XPO4: variants seen among roughly 807,000 people sequenced by gnomAD.
The protein encoded by XPO4 is exportin-4.
In XPO4, 39 loss-of-function variants were observed where a neutral mutation model predicts 143.0. The ratio of observed to expected loss-of-function variants is 0.27; its 90% confidence interval spans 0.21 to 0.36. The LOEUF is 0.36. XPO4 is among the 10% of genes least tolerant of loss of function. The pLI, the probability that XPO4 is intolerant of heterozygous loss-of-function variation, is 1.00. For synonymous variants in XPO4, 439 were observed against 474.0 expected (o/e 0.93, Z 0.96); for missense variants, 907 against 1,348.0 (o/e 0.67, Z 5.12).
At chr13:20,890,520 C>T (rs1566629293) in intron 1 of XPO4, among the ~76,000 whole-genome samples, 1 of 151,782 alleles carries the variant, frequency 6.6e-6, no homozygotes, top group Non-Finnish European at 1.5e-5. Flanking sequence ...AGAGCATGGC[C>T]AGGCAAGGTG....
At position 20,780,961 on chromosome 13, in the gene XPO4, G is replaced by A. The variant is rs1344529933; in HGVS notation, c.*2761C>T. The A allele has an allele frequency of 6.6e-6, 1 of 152,006 alleles. No homozygotes were observed. The highest frequency in any genetic ancestry group is 1.5e-5 in the Non-Finnish European group (1 of 68,010). The allele number at this position is 152,006 out of a possible 1,614,324, so 9.4% of individuals were successfully genotyped here. ...CAAAGTCTTTAGTGATTGTGCCTTG[G>A]GAAATAAATGGGTCAAGGAAAATAA... On this transcript the variant is annotated 3_prime_UTR_variant, in exon 23 of 23. Transcript: ENST00000255305.
Position 20,896,902 on chromosome 13 carries a change from A to G in XPO4, c.69+5768T>C, listed in dbSNP as rs552609415. Among the ~76,000 whole-genome samples the G allele has an allele frequency of 3.3e-5, 5 of 152,308 alleles. No homozygotes were observed. In the South Asian group the frequency reaches 1.0e-3, roughly 32 times the overall value. ...TTGTTTTAATCATAAAATGCTGTTA[A>G]ATTTTAACAACTGCCTTTTAGGCAT... On this transcript the variant is annotated intron_variant, in intron 1 of 22. Transcript: ENST00000255305.
In XPO4 at chr13:20,821,695, G is replaced by A. The variant is rs746837188; in HGVS notation, c.1173+9C>T. ...AACTGACACAATTTACTTTAGAATAGTCACTCACCACTTCTTCCAATGCAG... is the reference window on the plus strand; with the variant it reads ...AACTGACACAATTTACTTTAGAATAATCACTCACCACTTCTTCCAATGCAG... On this transcript the variant is annotated intron_variant, in intron 9 of 22. Transcript: ENST00000255305. The A allele has an allele frequency of 1.2e-6, 2 of 1,608,304 alleles. No homozygotes were observed. The highest frequency in any genetic ancestry group is 1.7e-6 in the Non-Finnish European group (2 of 1,177,090).
Position 20,777,470 on chromosome 13 carries a change from GCTTAGTTAGA to G in XPO4, c.*6242_*6251del, listed in dbSNP as rs2059100958. On this transcript the variant is annotated 3_prime_UTR_variant, in exon 23 of 23. Transcript: ENST00000255305. ...TGGAAATTAATGTAAGCCCTAAGCA[GCTTAGTTAGA>G]CATTGAATCTAGGTCTGCCTCTACC... 1.3e-5 allele frequency: 2 copies of G among 152,304 alleles called. No individual in the cohort carries two copies. The highest frequency in any genetic ancestry group is 1.3e-4 in the Admixed American group (2 of 15,296). 9.4% of individuals were successfully genotyped at this position (152,304 alleles called of 1,614,324 possible).
intron 1 of XPO4, among the ~76,000 whole-genome samples, chr13:20,872,431 C>T (rs1229270878): frequency 3.9e-5 from 6 of 152,190 alleles, no homozygotes; most frequent in African/African-American, 1.2e-4. Flanking sequence ...TATTATTTCT[C>T]TGACACCAGT....
chr13:20,876,863 G>A (rs2060358387), intron 1 of XPO4, among the ~76,000 whole-genome samples: 1 of 152,156 alleles, frequency 6.6e-6, no homozygotes, highest in East Asian at 1.9e-4. Context: ...AAGAAAGAAA[G>A]AACAAAACTT....
chr13:20,867,133 C>T (rs1435179932), intron 2 of XPO4, among the ~76,000 whole-genome samples: 3 of 152,142 alleles, frequency 2.0e-5, no homozygotes, highest in Non-Finnish European at 4.4e-5. Context: ...GTTAAATATC[C>T]TCCACAGGTA....
At chr13:20,865,498 G>A in intron 2 of XPO4, 1 of 985,292 alleles carries the variant, frequency 1.0e-6, no homozygotes, top group Non-Finnish European at 1.2e-6. Context: ...ACTGTCCAGA[G>A]AATAAATTAT....
At position 20,780,391 on chromosome 13, in the gene XPO4, C is replaced by G. The variant is rs1172299135; in HGVS notation, c.*3331G>C. The G allele has an allele frequency of 6.6e-6, 1 of 152,046 alleles. No homozygotes were observed. The highest frequency in any genetic ancestry group is 1.5e-5 in the Non-Finnish European group (1 of 68,004). The allele number at this position is 152,046 out of a possible 1,614,324, so 9.4% of individuals were successfully genotyped here. A position where few individuals can be genotyped will look rare whatever the true frequency, so the allele number is the denominator to read the frequency against. ...AACTGACAGCTAGTTCCCTTCAATA[C>G]TTTAGGGGTTCATAGAAGTATTAAC... On this transcript the variant is annotated 3_prime_UTR_variant, in exon 23 of 23. Coordinates refer to ENST00000255305, the MANE Select transcript of XPO4 (RefSeq NM_022459.5).
At chr13:20,822,975 T>C (rs184784670) in intron 7 of XPO4, among the ~76,000 whole-genome samples, 113 of 152,264 alleles carry the variant, frequency 7.4e-4, no homozygotes, top group African/African-American at 2.7e-3. Context: ...TGGTAGAGTG[T>C]TTTGTATGAA....
intron 6 of XPO4, among the ~76,000 whole-genome samples, chr13:20,837,556 C>T (rs1313002402): frequency 6.6e-6 from 1 of 152,080 alleles, no homozygotes; most frequent in Non-Finnish European, 1.5e-5. Context: ...CAGGTGTGTG[C>T]CACCATGCCT....
At chr13:20,892,103 T>G (rs2060524070) in intron 1 of XPO4, among the ~76,000 whole-genome samples, 1 of 151,394 alleles carries the variant, frequency 6.6e-6, no homozygotes, top group Non-Finnish European at 1.5e-5. Context: ...CTCGGCTCAC[T>G]CCAAGTGCAG....
intron 17 of XPO4, among the ~76,000 whole-genome samples, chr13:20,796,540 G>A (rs2059360707): frequency 6.6e-6 from 1 of 151,488 alleles, no homozygotes; most frequent in South Asian, 2.1e-4. Context: ...TTCTGTATAT[G>A]TATCCTGTTT....
At chr13:20,895,352 C>T (rs1314647709) in intron 1 of XPO4, among the ~76,000 whole-genome samples, 3 of 152,210 alleles carry the variant, frequency 2.0e-5, no homozygotes, top group East Asian at 1.9e-4. Context: ...TTAGTATAGG[C>T]CAGGCACAGT....
rs987342181 is a variant in XPO4 at position 20,777,450 on chromosome 13, A to C, written c.*6272T>G. On this transcript the variant is annotated 3_prime_UTR_variant, in exon 23 of 23. Transcript: ENST00000255305. ...TGATATGGATAACAGACCTGTGGAA[A>C]TTAATGTAAGCCCTAAGCAGCTTAG... The C allele has an allele frequency of 6.6e-6, 1 of 152,210 alleles. No individual in the cohort carries two copies. The highest frequency in any genetic ancestry group is 1.5e-5 in the Non-Finnish European group (1 of 68,034). 9.4% of individuals were successfully genotyped at this position (152,210 alleles called of 1,614,324 possible).
chr13:20,783,793 G>T lies in XPO4; in HGVS notation c.3385C>A (p.Gln1129Lys). ...SSTPPTLDRK[Q>K]KMAFLKSLEE... ...AAACTCTTTAAGAAGGCCATCTTCTGCTTCCGATCCAGCGTAGGAGGAGTG... is the reference window on the plus strand; with the variant it reads ...AAACTCTTTAAGAAGGCCATCTTCTTCTTCCGATCCAGCGTAGGAGGAGTG... Residue 1129 changes from glutamine to lysine, a missense_variant, in exon 23 of 23, where the codon CAG becomes AAG. By Grantham distance (53) the Gln-to-Lys change is moderately conservative (BLOSUM62 1). Coordinates refer to ENST00000255305, the MANE Select transcript of XPO4 (RefSeq NM_022459.5). 1 of 1,614,226 alleles carries T rather than the reference G, an allele frequency of 6.2e-7. No homozygotes were observed. The highest frequency in any genetic ancestry group is 8.5e-7 in the Non-Finnish European group (1 of 1,180,040).
In XPO4 at chr13:20,803,233, A is replaced by G. The variant is rs75194947; in HGVS notation, c.1818-2243T>C. 2.8e-4 allele frequency among the ~76,000 whole-genome samples: 42 copies of G among 152,298 alleles called. No individual in the cohort carries two copies. In the East Asian group the frequency reaches 7.9e-3, roughly 29 times the overall value. ...GTTGATGTGATTAGGTCCTCTTGTT[A>G]TTTAATGCAAAGGACTGAAACCTGC... On this transcript the variant is annotated intron_variant, in intron 13 of 22. Coordinates refer to ENST00000255305, the MANE Select transcript of XPO4 (RefSeq NM_022459.5). The surrounding 1 kb of genome is among the most constrained non-coding windows in gnomAD (Gnocchi z 4.1).
chr13:20,840,870 T>C (rs1285551784), intron 6 of XPO4, among the ~76,000 whole-genome samples: 1 of 152,220 alleles, frequency 6.6e-6, no homozygotes, highest in South Asian at 2.1e-4. Context: ...CAAAATATCC[T>C]CAAGTCAAAA....
chr13:20,815,394 G>A (rs775810937), intron 9 of XPO4, among the ~76,000 whole-genome samples: 8 of 152,148 alleles, frequency 5.3e-5, no homozygotes, highest in Non-Finnish European at 1.2e-4. Flanking sequence ...GGGTGAGGGT[G>A]GGGAGGCTGC....
Sources: allele counts gnomAD v4.1 joint callset (sites outside exome capture counted in the v4.1 genomes callset), GRCh38; gene constraint gnomAD v4.1.1; non-coding constraint Gnocchi (gnomAD v3.1); transcripts MANE v1.5; gene names NCBI Gene and HGNC (gene_info 2026-07-23, HGNC 2026-07-21).